TAPT1: variants seen among roughly 807,000 people sequenced by gnomAD.
TAPT1 encodes transmembrane anterior posterior transformation protein 1 homolog.
Under a neutral mutation model 65.6 loss-of-function variants are expected in TAPT1, and 28 were observed. That is an observed-to-expected ratio of 0.43 (90% confidence interval 0.32 to 0.59). The LOEUF (loss-of-function observed/expected upper bound fraction) is 0.59. TAPT1 is among the 20% of genes least tolerant of loss of function. The pLI, the probability that TAPT1 is intolerant of heterozygous loss-of-function variation, is 0.09. For missense variants in TAPT1, 563 were observed against 679.9 expected (o/e 0.83, Z 1.91); for synonymous variants, 278 against 245.2 (o/e 1.13, Z -1.25).
chr4:16,168,738 G>T (rs1046525517), intron 12 of TAPT1, among the ~76,000 whole-genome samples: 2 of 152,214 alleles, frequency 1.3e-5, no homozygotes, highest in African/African-American at 2.4e-5. Context: ...TCTATTTGTT[G>T]TTGGGAATTT....
rs33964284 is a variant in TAPT1 at position 16,162,570 on chromosome 4, T to TTA, written c.*737_*738insTA. The TTA allele has an allele frequency of 0.47, 72,134 of 153,246 alleles. 18,235 individuals are homozygous for TTA. The highest frequency in any genetic ancestry group is 0.66 in the African/African-American group (27,459 of 41,428). 9.5% of individuals were successfully genotyped at this position (153,246 alleles called of 1,614,324 possible). ...AAAAAGTGCCCTTTTGTAAGGAAAT[T>TTA]TGTTTTATCCACCAATTAAATGACA... is the stretch of plus-strand genomic sequence containing the variant. On this transcript the variant is annotated 3_prime_UTR_variant, in exon 14 of 14. Coordinates refer to ENST00000405303, the MANE Select transcript of TAPT1 (RefSeq NM_153365.3).
chr4:16,215,550 G>A (rs1335668083), intron 1 of TAPT1, among the ~76,000 whole-genome samples: 5 of 152,132 alleles, frequency 3.3e-5, no homozygotes, highest in African/African-American at 7.2e-5. Flanking sequence ...GGGAGTCAGT[G>A]TTACCATGAG....
chr4:16,172,668 T>C (rs1375016036), intron 11 of TAPT1, among the ~76,000 whole-genome samples: 1 of 152,128 alleles, frequency 6.6e-6, no homozygotes, highest in Non-Finnish European at 1.5e-5. Context: ...TCATCTGTCA[T>C]CTAAAAAAAA....
At chr4:16,211,575 T>C (rs951658014) in intron 2 of TAPT1, among the ~76,000 whole-genome samples, 1 of 152,206 alleles carries the variant, frequency 6.6e-6, no homozygotes, top group African/African-American at 2.4e-5. Context: ...TCTAAGAGAC[T>C]ACATCAAATT....
At chr4:16,204,100 T>C (rs560063184) in intron 2 of TAPT1, among the ~76,000 whole-genome samples, 4 of 152,372 alleles carry the variant, frequency 2.6e-5, no homozygotes, top group Admixed American at 2.6e-4. Flanking sequence ...GGTCCTTTTC[T>C]ATTACTCTCC....
chr4:16,213,477 G>A (rs1299952211), intron 2 of TAPT1, among the ~76,000 whole-genome samples: 1 of 152,072 alleles, frequency 6.6e-6, no homozygotes, highest in Non-Finnish European at 1.5e-5. Flanking sequence ...GAACTAAAAG[G>A]GTACAGAAGT....
chr4:16,207,843 T>C (rs577547599), intron 2 of TAPT1, among the ~76,000 whole-genome samples: 38 of 152,358 alleles, frequency 2.5e-4, no homozygotes, highest in African/African-American at 8.2e-4. Context: ...GAAAACTAAG[T>C]CATTCTATTT....
intron 7 of TAPT1, among the ~76,000 whole-genome samples, chr4:16,180,613 T>C (rs1748656148): frequency 2.0e-5 from 3 of 152,208 alleles, no homozygotes; most frequent in Admixed American, 2.0e-4. Context: ...ATGTACTTCA[T>C]GGGACTGTCT....
chr4:16,226,506 T>C, upstream of TAPT1: 1 of 1,004,114 alleles, frequency 1.0e-6, no homozygotes, highest in Admixed American at 5.8e-5. Flanking sequence ...AGCCTCTGCC[T>C]CCGGCCGGCC....
At chr4:16,215,998 C>A (rs1360961960) in intron 1 of TAPT1, 2 of 152,212 alleles carry the variant, frequency 1.3e-5, no homozygotes, top group Non-Finnish European at 2.9e-5. Flanking sequence ...AGTATCAGTT[C>A]TTTCATGTAA....
chr4:16,191,080 T>G (rs1578443863), intron 4 of TAPT1: 2 of 295,336 alleles, frequency 6.8e-6, no homozygotes, highest in Admixed American at 9.4e-5. Flanking sequence ...CCAGCCTACA[T>G]GAGGACATGC....
rs6812660 is a variant in TAPT1, at chr4:16,225,971, A to G, written c.199+288T>C. 735,262 of 993,566 alleles carry G rather than the reference A, an allele frequency of 0.74. 272,399 individuals are homozygous for G. Among genetic ancestry groups the G allele is most frequent in the Middle Eastern group, 0.82 (1,612 of 1,954 alleles). The allele number at this position is 993,566 out of a possible 1,614,324, so 61.5% of individuals were successfully genotyped here. A position where few individuals can be genotyped will look rare whatever the true frequency, so the allele number is the denominator to read the frequency against. The stretch of plus-strand genomic sequence containing the variant: ...GCTAACCTAAGACCTTCCGAGGGCG[A>G]TGCAAGGACCCGGACAGAACTTTCC... On this transcript the variant is annotated intron_variant, in intron 1 of 13. Transcript: ENST00000405303.
chr4:16,215,397 T>C (rs184931010), intron 1 of TAPT1, among the ~76,000 whole-genome samples: 13 of 152,302 alleles, frequency 8.5e-5, no homozygotes, highest in Non-Finnish European at 7.4e-5. Flanking sequence ...AACAGCTTAC[T>C]TCCTCCAGCA....
In TAPT1 at chr4:16,162,851, G is replaced by T; in HGVS notation, c.*457C>A. 1 of 341,924 alleles carries T rather than the reference G, an allele frequency of 2.9e-6. No homozygotes were observed. The highest frequency in any genetic ancestry group is 6.1e-6 in the Non-Finnish European group (1 of 165,048). The allele number at this position is 341,924 out of a possible 1,614,324, so 21.2% of individuals were successfully genotyped here. A position where few individuals can be genotyped will look rare whatever the true frequency, so the allele number is the denominator to read the frequency against. ...TTATGTTTAATTTTTTTAATGCTTT[G>T]GCAGATGAAGTAACGTTTGAAAACT... On this transcript the variant is annotated 3_prime_UTR_variant, in exon 14 of 14. Transcript: ENST00000405303.
intron 3 of TAPT1, among the ~76,000 whole-genome samples, chr4:16,199,824 A>C (rs67237261): frequency 0.013 from 1,957 of 152,126 alleles, 12 homozygotes; most frequent in Non-Finnish European, 0.019. Flanking sequence ...TCCTGGCCTC[A>C]AGCTACCCTC....
intron 2 of TAPT1, among the ~76,000 whole-genome samples, chr4:16,211,417 A>C (rs1750649146): frequency 6.6e-6 from 1 of 152,206 alleles, no homozygotes; most frequent in Non-Finnish European, 1.5e-5. Context: ...TGCAGTTATG[A>C]GAGATATTTA....
At chr4:16,191,147 C>T (rs756460781) in intron 4 of TAPT1, 38 of 458,660 alleles carry the variant, frequency 8.3e-5, no homozygotes, top group Non-Finnish European at 1.3e-4. Flanking sequence ...TGAGCCCCAC[C>T]GCCCTGGAAA....
chr4:16,210,813 A>G (rs1157287696), intron 2 of TAPT1, among the ~76,000 whole-genome samples: 7 of 152,204 alleles, frequency 4.6e-5, no homozygotes, highest in Non-Finnish European at 1.0e-4. Context: ...ATAGAACCCA[A>G]GGGGTTGTAG....
chr4:16,210,758 T>TA (rs753008644), intron 2 of TAPT1, among the ~76,000 whole-genome samples: 6 of 151,930 alleles, frequency 3.9e-5, no homozygotes, highest in Non-Finnish European at 7.4e-5. Context: ...AAAAGAAAAA[T>TA]AAAGTTCCCA....
Sources: gnomAD v4.1 joint callset for allele counts (sites outside exome capture counted in the v4.1 genomes callset) on GRCh38, gnomAD v4.1.1 for gene constraint, MANE v1.5 for transcripts, NCBI Gene and HGNC (gene_info 2026-07-23, HGNC 2026-07-21) for gene names.